Variants in MME observed in about 807,000 individuals in gnomAD.
MME encodes neprilysin.
Under a neutral mutation model 113.2 loss-of-function variants are expected in MME, and 98 were observed. The observed-to-expected ratio is 0.87, with a 90% CI of 0.74 to 1.02. The LOEUF is 1.02. Ranked by LOEUF, MME falls within the 50% of genes least tolerant of loss-of-function variation. MME has a pLI of 0.00. For synonymous variants in MME, 292 were observed against 300.6 expected, an observed-to-expected ratio of 0.97 and a Z score of 0.30; for missense variants, 836 against 896.0, an observed-to-expected ratio of 0.93 and a Z score of 0.86.
At chr3:155,030,026 G>A (rs1221429015) in intron 1 of MME, among the ~76,000 whole-genome samples, 2 of 152,108 alleles carry the variant, frequency 1.3e-5, no homozygotes, top group South Asian at 4.1e-4. Context: ...GCAATTGTTA[G>A]TTAGGCAATC....
intron 16 of MME, among the ~76,000 whole-genome samples, chr3:155,152,497 T>G (rs1229488267): frequency 6.6e-6 from 1 of 152,120 alleles, no homozygotes; most frequent in East Asian, 1.9e-4. Flanking sequence ...ATGATAAAAT[T>G]GCCAATTTGT....
intron 3 of MME, 141 bp from the exon 4 acceptor site, chr3:155,114,853 C>A: frequency 1.3e-6 from 1 of 783,742 alleles, no homozygotes; most frequent in South Asian, 1.5e-5. Flanking sequence ...CCTCATCCCC[C>A]TGAATTGACT....
At chr3:155,118,713 T>C in intron 7 of MME, 33 bp from the exon 8 acceptor site, 1 of 1,364,734 alleles carries the variant, frequency 7.3e-7, no homozygotes. Flanking sequence ...ATTCACTGAA[T>C]GATTTATTTT....
chr3:155,113,513 G>T (rs1027219927), intron 3 of MME, among the ~76,000 whole-genome samples: 28 of 152,208 alleles, frequency 1.8e-4, no homozygotes, highest in African/African-American at 6.5e-4. Flanking sequence ...CTCCCAAAGT[G>T]CTGGAATTAC....
intron 9 of MME, 98 bp downstream of exon 9, chr3:155,138,334 T>C (rs1720802096): frequency 1.6e-6 from 2 of 1,271,396 alleles, no homozygotes; most frequent in Non-Finnish European, 1.1e-6. Flanking sequence ...TACAGCACTT[T>C]AACCAAGTAG....
chr3:155,058,600 A>G (rs1714019800), intron 1 of MME, among the ~76,000 whole-genome samples: 1 of 152,194 alleles, frequency 6.6e-6, no homozygotes, highest in Non-Finnish European at 1.5e-5. Flanking sequence ...AGAAAAGCCT[A>G]AGGAAAAAAT....
intron 1 of MME, among the ~76,000 whole-genome samples, chr3:155,059,562 G>A (rs6440965): frequency 0.016 from 2,397 of 152,130 alleles, 70 homozygotes; most frequent in African/African-American, 0.054. Context: ...AACTTGCATC[G>A]AGGAGACAAG....
At chr3:155,091,263 T>A (rs982760473) in intron 3 of MME, among the ~76,000 whole-genome samples, 3 of 152,232 alleles carry the variant, frequency 2.0e-5, no homozygotes, top group Non-Finnish European at 4.4e-5. Flanking sequence ...CCAGTCAAAA[T>A]TAGCATCTGT....
chr3:155,026,274 T>C (rs1273371781), intron 1 of MME, among the ~76,000 whole-genome samples: 1 of 152,114 alleles, frequency 6.6e-6, no homozygotes, highest in Non-Finnish European at 1.5e-5. Flanking sequence ...TCACAACTTG[T>C]CAGTCAGGAA....
chr3:155,055,624 C>A (rs1576673440), intron 1 of MME, among the ~76,000 whole-genome samples: 1 of 151,856 alleles, frequency 6.6e-6, no homozygotes, highest in East Asian at 1.9e-4. Flanking sequence ...TTATATAATT[C>A]CACCATTTAC....
chr3:155,147,680 C>T (rs981692994), intron 15 of MME, among the ~76,000 whole-genome samples: 2 of 152,078 alleles, frequency 1.3e-5, no homozygotes, highest in African/African-American at 4.8e-5. Flanking sequence ...TTTGTTCTGC[C>T]CTGGTAATGT....
chr3:155,028,171 A>G lies in MME; in HGVS notation c.-11+3847A>G, dbSNP rs182248450. Among the ~76,000 whole-genome samples, 36 of 152,188 alleles carry G rather than the reference A, an allele frequency of 2.4e-4. No individual in the cohort carries two copies. In the East Asian group the frequency reaches 6.6e-3, roughly 28 times the overall value. On this transcript the variant is annotated intron_variant, in intron 1 of 22. Transcript: ENST00000492661. ...ATTTAGTGAAACAGACAACATTTCT[A>G]CTCTCCAGGATCTTCTCTTCTATAA...
chr3:155,175,796 T>A (rs1462046661), intron 22 of MME, among the ~76,000 whole-genome samples: 9 of 152,126 alleles, frequency 5.9e-5, no homozygotes, highest in Admixed American at 4.6e-4. Context: ...GCTATTTTGT[T>A]CCTTCATAAC....
intron 1 of MME, among the ~76,000 whole-genome samples, chr3:155,055,944 A>ATTGT (rs1013949959): frequency 1.3e-5 from 2 of 152,068 alleles, no homozygotes; most frequent in East Asian, 1.9e-4. Flanking sequence ...AGGTTAGGCC[A>ATTGT]TTGTTTGTTT....
chr3:155,155,822 C>T (rs1050972526), intron 16 of MME, among the ~76,000 whole-genome samples: 1 of 152,192 alleles, frequency 6.6e-6, no homozygotes, highest in East Asian at 1.9e-4. Flanking sequence ...CGAAATAAAG[C>T]ATACCAAGTG....
chr3:155,141,181 C>G (rs1721061816), intron 10 of MME, among the ~76,000 whole-genome samples: 1 of 152,108 alleles, frequency 6.6e-6, no homozygotes, highest in African/African-American at 2.4e-5. Context: ...AAGGACTTTT[C>G]CAAAGGCATA....
chr3:155,056,218 T>G (rs1713921793), intron 1 of MME, among the ~76,000 whole-genome samples: 1 of 152,108 alleles, frequency 6.6e-6, no homozygotes, highest in Admixed American at 6.6e-5. Flanking sequence ...AGGGTACATA[T>G]GCACAATGTG....
chr3:155,041,314 TTAAA>T lies in MME; in HGVS notation c.-11+16993_-11+16996del, dbSNP rs1217766114. ...TTTAATATCACTCTTGTTTAAATGC[TTAAA>T]TATTCAGATGTGCTAGAATTTTACA... On this transcript the variant is annotated intron_variant, in intron 1 of 22. Transcript: ENST00000492661. Among the ~76,000 whole-genome samples the T allele has an allele frequency of 4.6e-5, 7 of 152,204 alleles. No individual in the cohort carries two copies. The East Asian group carries it at 1.2e-3, about 25-fold the overall frequency.
chr3:155,172,503 T>C, intron 21 of MME, 33 bp from the exon 22 acceptor site: 2 of 1,514,770 alleles, frequency 1.3e-6, no homozygotes, highest in Non-Finnish European at 9.2e-7. Context: ...TGAACCTGAG[T>C]ACATGCTTTG....
Sources: allele counts gnomAD v4.1 joint callset (sites outside exome capture counted in the v4.1 genomes callset), GRCh38; gene constraint gnomAD v4.1.1; transcripts MANE v1.5; gene names NCBI Gene and HGNC (gene_info 2026-07-23, HGNC 2026-07-21).